The following KCND3 variants were observed in gnomAD, a reference collection of about 807,000 sequenced individuals.
KCND3 encodes potassium voltage-gated channel subfamily D member 3.
In KCND3, 9 loss-of-function variants were observed where a neutral mutation model predicts 51.1. The ratio of observed to expected loss-of-function variants is 0.18; its 90% CI spans 0.11 to 0.31. The LOEUF is 0.31. Among genes scored for constraint, KCND3 ranks in the 10% least tolerant of loss-of-function variants. The probability of loss-of-function intolerance (pLI) is 1.00; values close to 1 mark genes in which losing one functional copy is unlikely to be tolerated. For synonymous variants in KCND3, 349 were observed against 368.0 expected, an observed-to-expected ratio of 0.95 and a Z score of 0.59; for missense variants, 526 against 903.8, an observed-to-expected ratio of 0.58 and a Z score of 5.36.
chr1:111,774,991 C>G lies in KCND3; in HGVS notation c.*1086G>C, dbSNP rs1664049420. On this transcript the variant is annotated 3_prime_UTR_variant, in exon 8 of 8. Coordinates refer to ENST00000302127, the MANE Select transcript of KCND3 (RefSeq NM_001378969.1). ...CTCAGGTGTTGGCGATTTGCCTTTT[C>G]AAGATTCCAGTGTGATAAATCTGTT... 1 of 152,218 alleles carries G rather than the reference C, an allele frequency of 6.6e-6. No homozygotes were observed. Among genetic ancestry groups the G allele is most frequent in the Non-Finnish European group, 1.5e-5 (1 of 68,054 alleles). The allele number at this position is 152,218 out of a possible 1,614,324, so 9.4% of individuals were successfully genotyped here. A position where few individuals can be genotyped will look rare whatever the true frequency, so the allele number is the denominator to read the frequency against.
In KCND3 at chr1:111,859,881, G is replaced by A. The variant is rs183431851; in HGVS notation, c.1107-72775C>T. ...GTGGGTAGTATTTGATGAGATGAGG[G>A]TTTGGAGACCCTGTCTCCTGCACCC... On this transcript the variant is annotated intron_variant, in intron 2 of 7. Transcript: ENST00000302127. Among the ~76,000 whole-genome samples, 58 of 152,352 alleles carry A rather than the reference G, an allele frequency of 3.8e-4. No individual in the cohort carries two copies. In the East Asian group the frequency reaches 0.01, roughly 27 times the overall value.
intron 2 of KCND3, among the ~76,000 whole-genome samples, chr1:111,813,114 G>A (rs1260767971): frequency 6.6e-6 from 1 of 152,128 alleles, no homozygotes; most frequent in Non-Finnish European, 1.5e-5. Flanking sequence ...AGTTTGCCTG[G>A]AGGCCAGTGG....
At chr1:111,972,459 C>A (rs891715527) in intron 2 of KCND3, among the ~76,000 whole-genome samples, 1 of 152,124 alleles carries the variant, frequency 6.6e-6, no homozygotes, top group Non-Finnish European at 1.5e-5. Flanking sequence ...GGCGTGAGCC[C>A]CCGCGCCCGG....
chr1:111,964,932 C>A (rs1673885336), intron 2 of KCND3, among the ~76,000 whole-genome samples: 1 of 152,142 alleles, frequency 6.6e-6, no homozygotes, highest in African/African-American at 2.4e-5. Flanking sequence ...GTGACCACAC[C>A]TGGCAAGCTC....
chr1:111,941,305 T>C (rs1183592502), intron 2 of KCND3, among the ~76,000 whole-genome samples: 1 of 152,110 alleles, frequency 6.6e-6, no homozygotes, highest in Non-Finnish European at 1.5e-5. Flanking sequence ...TGCCTTCTGC[T>C]GGTGGGACCC....
intron 2 of KCND3, among the ~76,000 whole-genome samples, chr1:111,922,844 A>C (rs953603317): frequency 6.6e-6 from 1 of 152,230 alleles, no homozygotes; most frequent in Non-Finnish European, 1.5e-5. Context: ...TCTCTGTTTT[A>C]TATGGTAGTT....
chr1:111,812,962 G>C (rs1027041878), intron 2 of KCND3, among the ~76,000 whole-genome samples: 1 of 152,194 alleles, frequency 6.6e-6, no homozygotes, highest in African/African-American at 2.4e-5. Flanking sequence ...ATCTAGAACT[G>C]CTAGAGGCAG....
rs558167473 is a variant in KCND3 at position 111,823,351 on chromosome 1, G to A, written c.1107-36245C>T. ...CAGTGACAGTGGCCAAAGCCCTCAC[G>A]GGCCCTCCTGTTCTCCCTCCATGGA... On this transcript the variant is annotated intron_variant, in intron 2 of 7. Transcript: ENST00000302127. Among the ~76,000 whole-genome samples, 6 of 152,130 alleles carry A rather than the reference G, an allele frequency of 3.9e-5. No individual in the cohort carries two copies. In the East Asian group the frequency reaches 7.7e-4, roughly 20 times the overall value.
chr1:111,901,994 T>G (rs1238434400), intron 2 of KCND3, among the ~76,000 whole-genome samples: 2 of 152,198 alleles, frequency 1.3e-5, no homozygotes, highest in Non-Finnish European at 2.9e-5. Context: ...GCAACAAAGC[T>G]GAGTAAGATC....
intron 2 of KCND3, among the ~76,000 whole-genome samples, chr1:111,894,298 C>G (rs1052852398): frequency 6.6e-6 from 1 of 152,154 alleles, no homozygotes; most frequent in Non-Finnish European, 1.5e-5. Context: ...TCCTCTCCCC[C>G]TAGAATGCTC....
intron 2 of KCND3, among the ~76,000 whole-genome samples, chr1:111,824,883 T>C (rs1666507244): frequency 6.6e-6 from 1 of 152,214 alleles, no homozygotes; most frequent in Admixed American, 6.5e-5. Context: ...GTTGAGGAGA[T>C]GGATTTGAGA....
intron 2 of KCND3, among the ~76,000 whole-genome samples, chr1:111,940,964 T>C (rs1672487457): frequency 6.6e-6 from 1 of 152,242 alleles, no homozygotes; most frequent in Non-Finnish European, 1.5e-5. Flanking sequence ...GAGCAGGGAC[T>C]GTGTTTGCCT....
Position 111,780,205 on chromosome 1 carries a change from G to T in KCND3, c.1461+20C>A. The T allele has an allele frequency of 6.4e-7, 1 of 1,567,894 alleles. No individual in the cohort carries two copies. Among genetic ancestry groups the T allele is most frequent in the East Asian group, 2.3e-5 (1 of 43,116 alleles). On this transcript the variant is annotated intron_variant, in intron 5 of 7. Coordinates refer to ENST00000302127, the MANE Select transcript of KCND3 (RefSeq NM_001378969.1). The surrounding 1 kb of genome is among the most constrained non-coding windows in gnomAD (Gnocchi z 4.2). ...TCAGGGTCAGCGATGAAAAGGAGGT[G>T]GCAAAGGGCTGGGACTCACAGTGGT...
chr1:111,980,264 G>T (rs1304079458), intron 2 of KCND3, among the ~76,000 whole-genome samples: 1 of 151,784 alleles, frequency 6.6e-6, no homozygotes, highest in African/African-American at 2.4e-5. Context: ...AAGGGGCAGG[G>T]TGGTTCTGTC....
chr1:111,826,708 C>T lies in KCND3; in HGVS notation c.1107-39602G>A, dbSNP rs374383220. Among the ~76,000 whole-genome samples, 203 of 152,240 alleles carry T rather than the reference C, an allele frequency of 1.3e-3. 2 individuals are homozygous for T. Among genetic ancestry groups the T allele is most frequent in the African/African-American group, 4.8e-3 (199 of 41,542 alleles). On this transcript the variant is annotated intron_variant, in intron 2 of 7. Transcript: ENST00000302127. ...ATTCAGGGTTTCAATAGGACAGTGG[C>T]GCCTCAGAGCAAAATCCCTACTACT... is the stretch of plus-strand genomic sequence containing the variant.
chr1:111,843,348 T>C (rs1197997145), intron 2 of KCND3, among the ~76,000 whole-genome samples: 1 of 152,206 alleles, frequency 6.6e-6, no homozygotes, highest in Admixed American at 6.5e-5. Flanking sequence ...AGGGCTGCAT[T>C]CCCTTGGCTT....
In KCND3 at chr1:111,946,038, G is replaced by GT. The variant is rs1290608636; in HGVS notation, c.1106+35582dup. On this transcript the variant is annotated intron_variant, in intron 2 of 7. Coordinates refer to ENST00000302127, the MANE Select transcript of KCND3 (RefSeq NM_001378969.1). The stretch of plus-strand genomic sequence containing the variant: ...TCACTAGGTGTTGTGAGTATTAAGT[G>GT]TGTACATAATGATGTACAGCACTCG... Among the ~76,000 whole-genome samples the GT allele has an allele frequency of 1.3e-5, 2 of 152,226 alleles. 1 individual carries two copies. Among genetic ancestry groups the GT allele is most frequent in the Non-Finnish European group, 2.9e-5 (2 of 68,036 alleles).
chr1:111,853,215 C>CA (rs2101669576), intron 2 of KCND3, among the ~76,000 whole-genome samples: 1 of 152,314 alleles, frequency 6.6e-6, no homozygotes, highest in African/African-American at 2.4e-5. Context: ...CTGGAATTTC[C>CA]AGCATCACAA....
chr1:111,807,822 A>G (rs58880472), intron 2 of KCND3, among the ~76,000 whole-genome samples: 12,452 of 152,276 alleles, frequency 0.082, 891 homozygotes, highest in African/African-American at 0.18. Context: ...AAATTGCCTA[A>G]CAATGCATTT....
Sources: gnomAD v4.1 joint callset for allele counts (sites outside exome capture counted in the v4.1 genomes callset) on GRCh38, gnomAD v4.1.1 for gene constraint, Gnocchi (gnomAD v3.1) non-coding constraint, MANE v1.5 for transcripts, NCBI Gene and HGNC (gene_info 2026-07-23, HGNC 2026-07-21) for gene names.